Variants in NUDT3 observed in about 807,000 individuals in gnomAD.
The protein encoded by NUDT3 is nudix hydrolase 3.
Under a neutral mutation model 23.6 loss-of-function variants are expected in NUDT3, and 9 were observed. The ratio of observed to expected loss-of-function variants is 0.38; its 90% CI spans 0.23 to 0.66. The LOEUF (loss-of-function observed/expected upper bound fraction) is 0.66. Among genes scored for constraint, NUDT3 ranks in the 30% least tolerant of loss-of-function variants. NUDT3 has a pLI of 0.52. For missense variants in NUDT3, 172 were observed against 218.5 expected (o/e 0.79, Z 1.34); for synonymous variants, 86 against 82.6 (o/e 1.04, Z -0.22).
chr6:34,392,436 G>A lies in NUDT3; in HGVS notation c.-74C>T. ...TGGGGAGCCCGCTCTGGACGGCCGC[G>A]TGCGCGCGCGCCCCCGGCTCGGCCA... On this transcript the variant is annotated 5_prime_UTR_variant, in exon 1 of 5. It adds an upstream start codon to the 5' untranslated region. Coordinates refer to ENST00000607016, the MANE Select transcript of NUDT3 (RefSeq NM_006703.4). 1 of 1,129,384 alleles carries A rather than the reference G, an allele frequency of 8.9e-7. No individual in the cohort carries two copies. Among genetic ancestry groups the A allele is most frequent in the Non-Finnish European group, 1.3e-6 (1 of 789,084 alleles). 70.0% of individuals were successfully genotyped at this position (1,129,384 alleles called of 1,614,324 possible). A position where few individuals can be genotyped will look rare whatever the true frequency, so the allele number is the denominator to read the frequency against.
chr6:34,308,608 C>T (rs1006637345), intron 2 of NUDT3, among the ~76,000 whole-genome samples: 2 of 151,910 alleles, frequency 1.3e-5, no homozygotes, highest in Non-Finnish European at 2.9e-5. Flanking sequence ...TGATACATAC[C>T]GTGCTAACAC....
At position 34,366,792 on chromosome 6, in the gene NUDT3, T is replaced by C. The variant is rs555325305; in HGVS notation, c.100-24820A>G. Among the ~76,000 whole-genome samples the C allele has an allele frequency of 7.2e-4, 110 of 152,138 alleles. 2 individuals carry two copies. The highest frequency in any genetic ancestry group is 5.5e-3 in the Admixed American group (84 of 15,280). On this transcript the variant is annotated intron_variant, in intron 1 of 4. Coordinates refer to ENST00000607016, the MANE Select transcript of NUDT3 (RefSeq NM_006703.4). ...AAAACGTTCTTGAGATGGACAGAAG[T>C]GACAGTTGCACAACAATGTGAATGT...
At chr6:34,387,548 A>C (rs1175196566) in intron 1 of NUDT3, among the ~76,000 whole-genome samples, 1 of 152,128 alleles carries the variant, frequency 6.6e-6, no homozygotes, top group African/African-American at 2.4e-5. Flanking sequence ...AATGAAGAAA[A>C]CATTAGCCAG....
chr6:34,381,802 C>T (rs977645675), intron 1 of NUDT3, among the ~76,000 whole-genome samples: 21 of 151,936 alleles, frequency 1.4e-4, no homozygotes, highest in East Asian at 7.7e-4. Context: ...CGGCTGGGCA[C>T]GGTGGCTCAC....
chr6:34,387,673 TAA>T (rs752125676), intron 1 of NUDT3, among the ~76,000 whole-genome samples: 11 of 98,762 alleles, frequency 1.1e-4, no homozygotes, highest in African/African-American at 1.6e-4. Flanking sequence ...CATCTCTTTT[TAA>T]AAAAAAAAAA....
At chr6:34,364,103 A>C (rs983472508) in intron 1 of NUDT3, among the ~76,000 whole-genome samples, 1 of 152,166 alleles carries the variant, frequency 6.6e-6, no homozygotes, top group African/African-American at 2.4e-5. Context: ...TTAAGTAACA[A>C]ATTTTTCTGC....
At chr6:34,380,114 G>A (rs577655854) in intron 1 of NUDT3, among the ~76,000 whole-genome samples, 54 of 151,558 alleles carry the variant, frequency 3.6e-4, no homozygotes, top group Non-Finnish European at 5.9e-4. Flanking sequence ...ACAAAGTTTC[G>A]CTCTTGTTGC....
intron 2 of NUDT3, among the ~76,000 whole-genome samples, chr6:34,312,722 G>C (rs1763793091): frequency 6.6e-6 from 1 of 152,152 alleles, no homozygotes; most frequent in African/African-American, 2.4e-5. Flanking sequence ...TTACTGTATA[G>C]CAGCTTTATT....
At chr6:34,296,327 A>G (rs1581848924) in intron 2 of NUDT3, among the ~76,000 whole-genome samples, 1 of 152,024 alleles carries the variant, frequency 6.6e-6, no homozygotes, top group East Asian at 1.9e-4. Context: ...TAATCCCAGC[A>G]CTTTGGGAAG....
chr6:34,298,173 GC>G (rs904784835), intron 2 of NUDT3, among the ~76,000 whole-genome samples: 4 of 151,940 alleles, frequency 2.6e-5, no homozygotes, highest in Admixed American at 2.6e-4. Context: ...ACCAGCCTGG[GC>G]AATAAGGTGA....
intron 2 of NUDT3, among the ~76,000 whole-genome samples, chr6:34,326,565 T>G (rs1159853689): frequency 6.6e-6 from 1 of 152,206 alleles, no homozygotes; most frequent in African/African-American, 2.4e-5. Context: ...TTGCCCACAT[T>G]GAAAGATCAG....
At chr6:34,388,106 C>T (rs1281275305) in intron 1 of NUDT3, among the ~76,000 whole-genome samples, 1 of 152,148 alleles carries the variant, frequency 6.6e-6, no homozygotes, top group African/African-American at 2.4e-5. Context: ...TTATTCAGTA[C>T]AGTCACATGC....
At chr6:34,336,333 T>C (rs978194511) in intron 2 of NUDT3, among the ~76,000 whole-genome samples, 2 of 152,192 alleles carry the variant, frequency 1.3e-5, no homozygotes, top group African/African-American at 4.8e-5. Flanking sequence ...GTGTTGCTGC[T>C]CCTAATCCCT....
intron 2 of NUDT3, among the ~76,000 whole-genome samples, chr6:34,331,901 G>T (rs1201716178): frequency 1.3e-5 from 2 of 152,046 alleles, no homozygotes; most frequent in African/African-American, 4.8e-5. Context: ...TTAACAGACA[G>T]GGTCTTGATC....
chr6:34,305,525 A>G (rs1220307847), intron 2 of NUDT3, among the ~76,000 whole-genome samples: 1 of 151,930 alleles, frequency 6.6e-6, no homozygotes, highest in Non-Finnish European at 1.5e-5. Context: ...TTTGTTGGTC[A>G]TTTCTATTTT....
chr6:34,307,060 A>T (rs1763692291), intron 2 of NUDT3, among the ~76,000 whole-genome samples: 2 of 152,198 alleles, frequency 1.3e-5, no homozygotes, highest in African/African-American at 2.4e-5. Context: ...GCAGTATCTT[A>T]GAGAAGCAAA....
intron 2 of NUDT3, among the ~76,000 whole-genome samples, chr6:34,338,894 C>A (rs570352868): frequency 6.6e-6 from 1 of 152,300 alleles, no homozygotes; most frequent in Admixed American, 6.5e-5. Context: ...CAGAATCCAA[C>A]TTGATTAGTT....
intron 1 of NUDT3, among the ~76,000 whole-genome samples, chr6:34,349,560 C>T (rs889718687): frequency 2.0e-5 from 3 of 150,366 alleles, no homozygotes; most frequent in African/African-American, 5.0e-5. Flanking sequence ...AGAGGGAAAC[C>T]GACGGTGATT....
intron 2 of NUDT3, among the ~76,000 whole-genome samples, chr6:34,330,268 A>T (rs1320395925): frequency 6.6e-6 from 1 of 152,194 alleles, no homozygotes; most frequent in African/African-American, 2.4e-5. Context: ...TCCCACCAAC[A>T]GTGTAAAAGT....
Sources: gnomAD v4.1 joint callset for allele counts (sites outside exome capture counted in the v4.1 genomes callset) on GRCh38, gnomAD v4.1.1 for gene constraint, MANE v1.5 for transcripts, NCBI Gene and HGNC (gene_info 2026-07-23, HGNC 2026-07-21) for gene names.